The following ARHGEF25 variants were observed in gnomAD, a reference collection of about 807,000 sequenced individuals.
ARHGEF25 encodes the protein RAC/CDC42 exchange factor.
A neutral mutation model predicts 74.0 loss-of-function variants in ARHGEF25; 42 were observed. The ratio of observed to expected loss-of-function variants is 0.57; its 90% CI spans 0.44 to 0.73. The LOEUF (loss-of-function observed/expected upper bound fraction) is 0.73, where lower values mean the gene tolerates loss of function less well. Ranked by LOEUF, ARHGEF25 falls within the 30% of genes least tolerant of loss-of-function variation. The pLI, the probability that ARHGEF25 is intolerant of heterozygous loss-of-function variation, is 0.00. For missense variants in ARHGEF25, 645 were observed against 725.5 expected (o/e 0.89, Z 1.27); for synonymous variants, 293 against 278.6 (o/e 1.05, Z -0.51).
At position 57,613,137 on chromosome 12, in the gene ARHGEF25, C is replaced by T; in HGVS notation, c.305C>T (p.Pro102Leu). Residue 102 changes from proline (P) to leucine (L), a missense_variant, in exon 2 of 15, where the codon CCA (proline) becomes CTA (leucine). By Grantham distance (98) the Pro-to-Leu change is moderately conservative (BLOSUM62 -3). Around this residue, in one of 3 missense-constraint regions of ARHGEF25, gnomAD observed 189 missense variants for 199.1 expected, o/e 0.95. Transcript: ENST00000286494. ...ETEADSGQAG[P>L]YENWMLEPAL... ...GAGGCAGACAGTGGTCAGGCAGGACCATATGAGGTGAGCAGGGAACGGCAC... is the reference window on the plus strand; with the variant it reads ...GAGGCAGACAGTGGTCAGGCAGGACTATATGAGGTGAGCAGGGAACGGCAC... 1 of 1,612,474 alleles carries T rather than the reference C, an allele frequency of 6.2e-7. No homozygotes were observed.
rs747194238 is a variant in ARHGEF25 at position 57,616,944 on chromosome 12, G to A, written c.*50G>A. 1 of 1,422,718 alleles carries A rather than the reference G, an allele frequency of 7.0e-7. No homozygotes were observed. The allele number at this position is 1,422,718 out of a possible 1,614,324, so 88.1% of individuals were successfully genotyped here. ...CTGACTCAGCCGCCTATTCCCCAAG[G>A]AGCTTCAGGGCAGTCCTTCTGGCAC... On this transcript the variant is annotated 3_prime_UTR_variant, in exon 15 of 15. Coordinates refer to ENST00000286494, the MANE Select transcript of ARHGEF25 (RefSeq NM_182947.4).
intron 1 of ARHGEF25, chr12:57,612,706 G>T: frequency 7.0e-7 from 1 of 1,425,334 alleles, no homozygotes; most frequent in Non-Finnish European, 9.2e-7. Flanking sequence ...TGTAACTGGG[G>T]GTTCCAGGCC....
chr12:57,613,641 C>A, intron 4 of ARHGEF25, 53 bp from the exon 5 acceptor site: 1 of 1,611,698 alleles, frequency 6.2e-7, no homozygotes, highest in Non-Finnish European at 8.5e-7. Context: ...ACGGGCTGAA[C>A]CAAGGATGAG....
Position 57,614,508 on chromosome 12 carries a change from C to T in ARHGEF25, c.727-8C>T, listed in dbSNP as rs1438728319. The T allele has an allele frequency of 1.2e-6, 2 of 1,614,102 alleles. No homozygotes were observed. Among genetic ancestry groups the T allele is most frequent in the East Asian group, 2.2e-5 (1 of 44,866 alleles). On this transcript the variant is annotated splice_polypyrimidine_tract_variant and splice_region_variant and intron_variant, in intron 7 of 14. Coordinates refer to ENST00000286494, the MANE Select transcript of ARHGEF25 (RefSeq NM_182947.4). This position sits in a 1 kb window ranked among gnomAD's most constrained non-coding sequence, Gnocchi z 4.6. ...ACCCTGCTCTCTCTTAAACATTACC[C>T]CTGTTAGGAGCGCCGGCTGCATATG...
intron 1 of ARHGEF25, 63 bp downstream of exon 1, chr12:57,612,054 T>A (rs116953253): frequency 0.06 from 72,692 of 1,209,458 alleles, 2,610 homozygotes; most frequent in Middle Eastern, 0.079. Flanking sequence ...TCAGGGCATC[T>A]GTTTGCCCTG....
In ARHGEF25 at chr12:57,613,041, G is replaced by GC; in HGVS notation, c.215dup (p.Gly73ArgfsTer22). ...CTCAGCTCTGGCCCCTGTTCCCCAGGCCCCCCAGGGCCCGTCAGTGGCCTG... is the reference window on the plus strand; with the variant it reads ...CTCAGCTCTGGCCCCTGTTCCCCAGGCCCCCCCAGGGCCCGTCAGTGGCCTG... On this transcript the variant is annotated frameshift_variant, in exon 2 of 15. Transcript: ENST00000286494. LOFTEE classifies it high-confidence loss of function. 6.2e-7 allele frequency: 1 copy of GC among 1,614,066 alleles called. No individual in the cohort carries two copies. Among genetic ancestry groups the GC allele is most frequent in the Non-Finnish European group, 8.5e-7 (1 of 1,179,978 alleles).
chr12:57,616,598 G>C lies in ARHGEF25; in HGVS notation c.1632+103G>C, dbSNP rs534959327. 406 of 1,157,110 alleles carry C rather than the reference G, an allele frequency of 3.5e-4. 1 individual carries two copies. In the African/African-American group the frequency reaches 5.3e-3, roughly 15 times the overall value. 71.7% of individuals were successfully genotyped at this position (1,157,110 alleles called of 1,614,324 possible). On this transcript the variant is annotated intron_variant, in intron 14 of 14. Coordinates refer to ENST00000286494, the MANE Select transcript of ARHGEF25 (RefSeq NM_182947.4). ...CCCATATCATTCCTTCCTTTTATCT[G>C]GTCCTTCCTACTTCCCATCCCTTAC...
At position 57,611,955 on chromosome 12, in the gene ARHGEF25, G is replaced by A. The variant is rs1472024007; in HGVS notation, c.61G>A (p.Ala21Thr). 9 of 1,312,632 alleles carry A rather than the reference G, an allele frequency of 6.9e-6. No homozygotes were observed. Among genetic ancestry groups the A allele is most frequent in the Non-Finnish European group, 8.8e-6 (9 of 1,022,514 alleles). 81.3% of individuals were successfully genotyped at this position (1,312,632 alleles called of 1,614,324 possible). The change falls in exon 1 of 15, where the codon GCA becomes ACA. Residue 21 changes from alanine (A) to threonine (T), a missense_variant. Physicochemically the swap from Ala to Thr is moderately conservative, Grantham distance 58 (BLOSUM62 0). Transcript: ENST00000286494. The surrounding 1 kb of genome is among the most constrained non-coding windows in gnomAD (Gnocchi z 4.5). ...ACPRVIRKVL[A>T]KCGCCFARGG... is the part of the protein sequence containing the mutation. ...TCCCCGTGTGATCCGAAAAGTGCTG[G>A]CAAAATGCGGCTGCTGCTTCGCCCG...
chr12:57,612,547 C>G (rs116600726), intron 1 of ARHGEF25: 1 of 255,112 alleles, frequency 3.9e-6, no homozygotes, highest in Admixed American at 5.3e-5. Context: ...CCAGCTCATC[C>G]TCCCCTCTTC....
At chr12:57,616,759 C>T (rs769791358) in intron 14 of ARHGEF25, 25 bp from the exon 15 acceptor site, 4 of 1,529,738 alleles carry the variant, frequency 2.6e-6, no homozygotes, top group African/African-American at 2.8e-5. Flanking sequence ...CCTTTTTGAT[C>T]CTCTGACTTG....
intron 1 of ARHGEF25, chr12:57,612,579 T>G: frequency 6.4e-6 from 3 of 467,374 alleles, no homozygotes; most frequent in Non-Finnish European, 6.2e-6. Flanking sequence ...TCTGTACCCA[T>G]TGAAAGAGGG....
chr12:57,612,195 A>G, intron 1 of ARHGEF25: 1 of 349,776 alleles, frequency 2.9e-6, no homozygotes, highest in South Asian at 1.5e-4. Flanking sequence ...GGGGCAGGGA[A>G]CTCATCTCTT....
At chr12:57,610,172 A>T, upstream of ARHGEF25, 1 of 1,189,128 alleles carries the variant, frequency 8.4e-7, no homozygotes, top group Admixed American at 2.4e-5. Flanking sequence ...CCCCAGCTTC[A>T]GTGCCCCCTC....
At position 57,614,654 on chromosome 12, in the gene ARHGEF25, T is replaced by C. The variant is rs543656269; in HGVS notation, c.817-35T>C. The C allele has an allele frequency of 1.9e-6, 3 of 1,613,694 alleles. No homozygotes were observed. In the African/African-American group the frequency reaches 4.0e-5, roughly 22 times the overall value. ...GGGAAGGAGGACAGAACTGGGGCTT[T>C]CCAGGCTGCATAACCACCCTGTCCC... is the stretch of plus-strand genomic sequence containing the variant. On this transcript the variant is annotated intron_variant, in intron 8 of 14. Coordinates refer to ENST00000286494, the MANE Select transcript of ARHGEF25 (RefSeq NM_182947.4). This position sits in a 1 kb window ranked among gnomAD's most constrained non-coding sequence, Gnocchi z 4.6.
chr12:57,612,075 T>A, intron 1 of ARHGEF25, 84 bp downstream of exon 1: 2 of 1,107,834 alleles, frequency 1.8e-6, no homozygotes, highest in Non-Finnish European at 2.4e-6. Context: ...GCCCTTGGGA[T>A]TTAGGGTTGG....
At chr12:57,615,388 G>A in intron 11 of ARHGEF25, 74 bp downstream of exon 11, 1 of 1,581,740 alleles carries the variant, frequency 6.3e-7, no homozygotes, top group Non-Finnish European at 8.6e-7. Context: ...AGGTCCTTAT[G>A]GGGAGTTGTC....
rs1884181039 is a variant in ARHGEF25 at position 57,614,200 on chromosome 12, C to G, written c.656+81C>G. 2.5e-6 allele frequency: 4 copies of G among 1,579,352 alleles called. No individual in the cohort carries two copies. The highest frequency in any genetic ancestry group is 3.4e-5 in the Admixed American group (2 of 59,596). On this transcript the variant is annotated intron_variant, in intron 6 of 14. Transcript: ENST00000286494. The surrounding 1 kb of genome is among the most constrained non-coding windows in gnomAD (Gnocchi z 4.6). The stretch of plus-strand genomic sequence containing the variant: ...CCTGTATCCTAACATCAGCCCATTG[C>G]GACTTAAGGAATGTTTGGAGAAGTT...
At position 57,616,907 on chromosome 12, in the gene ARHGEF25, AT is replaced by A; in HGVS notation, c.*14del. 6.2e-7 allele frequency: 1 copy of A among 1,605,216 alleles called. No individual in the cohort carries two copies. Among genetic ancestry groups the A allele is most frequent in the Non-Finnish European group, 8.5e-7 (1 of 1,172,338 alleles). On this transcript the variant is annotated 3_prime_UTR_variant, in exon 15 of 15. Transcript: ENST00000286494. ...AGATGAGCTGTAACTGGTGAAAACC[AT>A]GGGGGTGGTGCTGACTCAGCCGCCT...
intron 1 of ARHGEF25, 80 bp from the exon 2 acceptor site, chr12:57,612,850 A>G (rs1884108350): frequency 1.9e-6 from 3 of 1,542,234 alleles, no homozygotes; most frequent in Non-Finnish European, 2.6e-6. Flanking sequence ...CATGAAGAGA[A>G]GACCCTGGGA....
Sources: gnomAD v4.1 joint callset for allele counts on GRCh38, gnomAD v4.1.1 for gene constraint, gnomAD v4.1.1 regional missense constraint, Gnocchi (gnomAD v3.1) non-coding constraint, MANE v1.5 for transcripts, NCBI Gene and HGNC (gene_info 2026-07-23, HGNC 2026-07-21) for gene names.